Variants in WDR70 observed in about 807,000 individuals in gnomAD.
WDR70 encodes the protein WD repeat domain 70.
In WDR70, 53 loss-of-function variants were observed where a neutral mutation model predicts 88.6. That is an observed-to-expected ratio of 0.60 (90% confidence interval 0.48 to 0.75). The LOEUF (loss-of-function observed/expected upper bound fraction) is 0.75, where lower values mean the gene tolerates loss of function less well. WDR70 is among the 30% of genes least tolerant of loss of function. The pLI is 0.00. For missense variants in WDR70, 610 were observed against 823.2 expected, an observed-to-expected ratio of 0.74 and a Z score of 3.17; for synonymous variants, 280 against 270.0, an observed-to-expected ratio of 1.04 and a Z score of -0.36.
Position 37,451,117 on chromosome 5 carries a change from C to T in WDR70, c.686+7745C>T, listed in dbSNP as rs113286438. Among the ~76,000 whole-genome samples the T allele has an allele frequency of 8.7e-3, 1,329 of 151,938 alleles. 24 individuals carry two copies. The highest frequency in any genetic ancestry group is 0.03 in the African/African-American group (1,258 of 41,432). ...TTCTCCATGTTGGTCAGGCTGGTCT[C>T]GAACTCCCGACCTCAGGTGATCTGC... On this transcript the variant is annotated intron_variant, in intron 7 of 17. Transcript: ENST00000265107.
chr5:37,673,566 AT>A (rs970380967), intron 10 of WDR70, among the ~76,000 whole-genome samples: 7 of 109,824 alleles, frequency 6.4e-5, no homozygotes, highest in Non-Finnish European at 7.5e-5. Context: ...AGCGCCTGCT[AT>A]TTTTTGACTT....
intron 13 of WDR70, among the ~76,000 whole-genome samples, chr5:37,712,476 G>A (rs1156481429): frequency 6.6e-6 from 1 of 152,114 alleles, no homozygotes; most frequent in African/African-American, 2.4e-5. Context: ...AATATAATTT[G>A]TTTTGGTTGT....
intron 13 of WDR70, among the ~76,000 whole-genome samples, chr5:37,706,779 C>A (rs1049578148): frequency 1.3e-5 from 2 of 151,898 alleles, no homozygotes; most frequent in African/African-American, 4.8e-5. Flanking sequence ...TCTCTCCCCT[C>A]ATTTGTTATC....
intron 3 of WDR70, 148 bp downstream of exon 3, chr5:37,381,833 C>T (rs1748434811): frequency 5.3e-6 from 3 of 570,572 alleles, no homozygotes; most frequent in South Asian, 3.6e-5. Context: ...GCGGGCAGAT[C>T]ACCTGAGGTC....
At chr5:37,423,335 C>T (rs1181222467) in intron 5 of WDR70, among the ~76,000 whole-genome samples, 2 of 147,266 alleles carry the variant, frequency 1.4e-5, no homozygotes, top group Non-Finnish European at 1.5e-5. Flanking sequence ...GTGGAGTGTT[C>T]ATGGCCAGTA....
chr5:37,528,860 T>C (rs1388608994), intron 9 of WDR70, among the ~76,000 whole-genome samples: 1 of 151,136 alleles, frequency 6.6e-6, no homozygotes, highest in Non-Finnish European at 1.5e-5. Flanking sequence ...GCATTTCCTT[T>C]TGGGTTCTTG....
At position 37,444,336 on chromosome 5, in the gene WDR70, C is replaced by CTTTTTTTTTTT. The variant is rs70978817; in HGVS notation, c.686+974_686+984dup. 1.3e-4 allele frequency among the ~76,000 whole-genome samples: 12 copies of CTTTTTTTTTTT among 94,202 alleles called. 1 individual carries two copies. Among genetic ancestry groups the CTTTTTTTTTTT allele is most frequent in the Admixed American group, 1.6e-4 (1 of 6,412 alleles). 61.8% of individuals were successfully genotyped at this position (94,202 alleles called of 152,430 possible). On this transcript the variant is annotated intron_variant, in intron 7 of 17. Transcript: ENST00000265107. ...GTTGCTACAATGAGCCAGCCTTTCT[C>CTTTTTTTTTTT]TTTTTTTTTTTTTTTTTTTTGAGAC... is the stretch of plus-strand genomic sequence containing the variant.
chr5:37,628,620 G>A (rs1030974506), intron 10 of WDR70, among the ~76,000 whole-genome samples: 1 of 152,176 alleles, frequency 6.6e-6, no homozygotes, highest in African/African-American at 2.4e-5. Flanking sequence ...GGCAGAATAT[G>A]TTTGGGTCTT....
At chr5:37,398,534 A>G (rs1355003894) in intron 5 of WDR70, among the ~76,000 whole-genome samples, 1 of 152,192 alleles carries the variant, frequency 6.6e-6, no homozygotes, top group Non-Finnish European at 1.5e-5. Flanking sequence ...TTCTTTGCGT[A>G]TTCCTTCTCA....
intron 9 of WDR70, among the ~76,000 whole-genome samples, chr5:37,524,626 T>C (rs574586902): frequency 2.0e-5 from 3 of 152,134 alleles, no homozygotes; most frequent in African/African-American, 7.2e-5. Flanking sequence ...AATTCACACA[T>C]AGCAATATTA....
rs558109153 is a variant in WDR70 at position 37,456,732 on chromosome 5, T to C, written c.686+13360T>C. Among the ~76,000 whole-genome samples, 5 of 152,166 alleles carry C rather than the reference T, an allele frequency of 3.3e-5. No individual in the cohort carries two copies. The South Asian group carries it at 1.0e-3, about 32-fold the overall frequency. Reference sequence around the variant, plus strand: ...TACAACTTACAAAGATATTTTACACTTCAGAAAACAAAGGACATCAAAAAC... The same window carrying C: ...TACAACTTACAAAGATATTTTACACCTCAGAAAACAAAGGACATCAAAAAC... On this transcript the variant is annotated intron_variant, in intron 7 of 17. Transcript: ENST00000265107.
chr5:37,616,527 C>G (rs1744348489), intron 10 of WDR70, among the ~76,000 whole-genome samples: 2 of 152,192 alleles, frequency 1.3e-5, no homozygotes, highest in African/African-American at 4.8e-5. Flanking sequence ...GCCTCTCCCA[C>G]AAGCCCCCCG....
chr5:37,449,863 A>G (rs547530051), intron 7 of WDR70, among the ~76,000 whole-genome samples: 1 of 152,208 alleles, frequency 6.6e-6, no homozygotes, highest in African/African-American at 2.4e-5. Flanking sequence ...CGCATCATCT[A>G]CATAGCTATT....
At chr5:37,598,210 G>C (rs1340345938) in intron 9 of WDR70, among the ~76,000 whole-genome samples, 1 of 151,402 alleles carries the variant, frequency 6.6e-6, no homozygotes, top group Non-Finnish European at 1.5e-5. Context: ...CCTCAACTTT[G>C]CAACAGTAGA....
At chr5:37,453,540 T>G (rs1738740966) in intron 7 of WDR70, among the ~76,000 whole-genome samples, 1 of 152,232 alleles carries the variant, frequency 6.6e-6, no homozygotes, top group Admixed American at 6.5e-5. Context: ...TTCCTTGCCC[T>G]CATTCCGGTA....
At chr5:37,448,390 C>G (rs1010089412) in intron 7 of WDR70, among the ~76,000 whole-genome samples, 1 of 152,058 alleles carries the variant, frequency 6.6e-6, no homozygotes, top group Non-Finnish European at 1.5e-5. Flanking sequence ...ATTTAGAGAC[C>G]AAATCTGGTT....
intron 10 of WDR70, among the ~76,000 whole-genome samples, chr5:37,679,111 G>T (rs554641476): frequency 0.031 from 4,724 of 151,760 alleles, 76 homozygotes; most frequent in Middle Eastern, 0.11. Context: ...CTCTGTATTG[G>T]TTATTCTAGT....
At chr5:37,560,500 C>G (rs1484306081) in intron 9 of WDR70, among the ~76,000 whole-genome samples, 1 of 152,118 alleles carries the variant, frequency 6.6e-6, no homozygotes, top group Admixed American at 6.5e-5. Context: ...ACTTTTCCTT[C>G]TTATTTTTCT....
At chr5:37,491,991 C>A (rs752522172) in intron 8 of WDR70, among the ~76,000 whole-genome samples, 1 of 152,160 alleles carries the variant, frequency 6.6e-6, no homozygotes, top group South Asian at 2.1e-4. Flanking sequence ...TTTGGCACAA[C>A]AAGATGTTCC....
Sources: gnomAD v4.1 joint callset for allele counts (sites outside exome capture counted in the v4.1 genomes callset) on GRCh38, gnomAD v4.1.1 for gene constraint, MANE v1.5 for transcripts, NCBI Gene and HGNC (gene_info 2026-07-23, HGNC 2026-07-21) for gene names.